CHN2: variants seen among roughly 807,000 people sequenced by gnomAD.
The protein encoded by CHN2 is beta-chimaerin.
In CHN2, 35 loss-of-function variants were observed where a neutral mutation model predicts 56.3. The observed-to-expected ratio is 0.62, with a 90% confidence interval of 0.47 to 0.82. The LOEUF (loss-of-function observed/expected upper bound fraction) is 0.82, where lower values mean the gene tolerates loss of function less well. Among genes scored for constraint, CHN2 ranks in the 40% least tolerant of loss-of-function variants. The pLI is 0.00. For synonymous variants in CHN2, 210 were observed against 212.8 expected (o/e 0.99, Z 0.12); for missense variants, 491 against 580.5 (o/e 0.85, Z 1.58).
rs1429792976 is a variant in CHN2 at position 29,480,331 on chromosome 7, A to G, written c.629A>G (p.Asn210Ser). Residue 210 changes from asparagine to serine, a missense_variant, in exon 7 of 13, where the codon AAT (asparagine) becomes AGT (serine). Physicochemically the swap from Asn to Ser is conservative, Grantham distance 46 (BLOSUM62 1). Transcript: ENST00000222792. ...CTCACACACAACGACAACCACTTCA[A>G]TTATGAGAAGACACACAACTTTAAG... ...AALTHNDNHFNYEKTHNFKVH... is the reference protein window; with the variant it reads ...AALTHNDNHFSYEKTHNFKVH... The G allele has an allele frequency of 6.2e-6, 10 of 1,614,188 alleles. No homozygotes were observed. The highest frequency in any genetic ancestry group is 6.8e-6 in the Non-Finnish European group (8 of 1,180,014).
At chr7:29,442,121 C>T (rs1783691294) in intron 6 of CHN2, among the ~76,000 whole-genome samples, 1 of 152,110 alleles carries the variant, frequency 6.6e-6, no homozygotes, top group South Asian at 2.1e-4. Context: ...AATTCCGATA[C>T]GTGCTACAAC....
At chr7:29,453,728 T>C (rs1367873814) in intron 6 of CHN2, among the ~76,000 whole-genome samples, 1 of 152,158 alleles carries the variant, frequency 6.6e-6, no homozygotes, top group Non-Finnish European at 1.5e-5. Context: ...TTGGATTTGA[T>C]AGAGAGATCA....
Position 29,305,172 on chromosome 7 carries a change from C to T in CHN2, c.50-49453C>T, listed in dbSNP as rs575651803. ...GATACGACAGGCAGGCCAGGAAATT[C>T]CCAGTGATTGTTGCCGGGGAAAGGG... On this transcript the variant is annotated intron_variant, in intron 1 of 12. Transcript: ENST00000222792. 1.1e-4 allele frequency among the ~76,000 whole-genome samples: 17 copies of T among 152,242 alleles called. No homozygotes were observed. The East Asian group carries it at 3.3e-3, about 29-fold the overall frequency.
At chr7:29,329,423 G>A (rs1796051556) in intron 1 of CHN2, among the ~76,000 whole-genome samples, 1 of 145,212 alleles carries the variant, frequency 6.9e-6, no homozygotes, top group African/African-American at 2.6e-5. Context: ...GGGACAGTGT[G>A]CCCTTCATAA....
At chr7:29,329,013 A>G (rs1175289361) in intron 1 of CHN2, among the ~76,000 whole-genome samples, 1 of 152,206 alleles carries the variant, frequency 6.6e-6, no homozygotes, top group Non-Finnish European at 1.5e-5. Flanking sequence ...CTGAAGAATC[A>G]TGCTCATACT....
At chr7:29,307,826 G>C (rs1794288490) in intron 1 of CHN2, among the ~76,000 whole-genome samples, 1 of 152,174 alleles carries the variant, frequency 6.6e-6, no homozygotes, top group Non-Finnish European at 1.5e-5. Flanking sequence ...TGTGGCCCAG[G>C]TGATGTTGCT....
intron 6 of CHN2, among the ~76,000 whole-genome samples, chr7:29,470,018 A>T (rs2128144045): frequency 6.6e-6 from 1 of 152,356 alleles, no homozygotes; most frequent in South Asian, 2.1e-4. Flanking sequence ...ATTGCATTAA[A>T]ACAGAGCATA....
intron 2 of CHN2, among the ~76,000 whole-genome samples, chr7:29,182,653 A>T (rs932724878): frequency 8.5e-5 from 13 of 152,238 alleles, no homozygotes; most frequent in African/African-American, 3.1e-4. Context: ...ATGTCTAAAA[A>T]TACAAATTGA....
At chr7:29,488,532 A>AAC (rs2128556379) in intron 7 of CHN2, among the ~76,000 whole-genome samples, 1 of 152,290 alleles carries the variant, frequency 6.6e-6, no homozygotes, top group African/African-American at 2.4e-5. Flanking sequence ...TAGCTAAACA[A>AAC]ACAAACAAAC....
chr7:29,400,398 C>G (rs560171787), intron 5 of CHN2, 145 bp from the exon 6 acceptor site: 3 of 743,520 alleles, frequency 4.0e-6, no homozygotes, highest in African/African-American at 1.8e-5. Context: ...TCTCTGTGAG[C>G]GTTAGGGGAA....
chr7:29,213,519 A>G (rs1233223084), intron 1 of CHN2, among the ~76,000 whole-genome samples: 1 of 152,220 alleles, frequency 6.6e-6, no homozygotes, highest in African/African-American at 2.4e-5. Flanking sequence ...TAGTTTGAAT[A>G]TCTTCAGGGT....
At position 29,512,549 on chromosome 7, in the gene CHN2, A is replaced by ATGTT. The variant is rs1791612794; in HGVS notation, c.1236-9_1236-6dup. 6.2e-7 allele frequency: 1 copy of ATGTT among 1,606,398 alleles called. No homozygotes were observed. The highest frequency in any genetic ancestry group is 1.1e-5 in the South Asian group (1 of 90,014). On this transcript the variant is annotated splice_polypyrimidine_tract_variant and intron_variant, in intron 12 of 12. Transcript: ENST00000222792. Reference sequence around the variant, plus strand: ...AGTCTCCATAATGTCTCTGTTCTATATGTTTGTTTTGCAGGGTTACTATGA... The same window carrying ATGTT: ...AGTCTCCATAATGTCTCTGTTCTATATGTTTGTTTGTTTTGCAGGGTTACTATGA...
intron 1 of CHN2, among the ~76,000 whole-genome samples, chr7:29,342,423 C>T (rs1415036547): frequency 2.0e-5 from 3 of 152,106 alleles, no homozygotes; most frequent in Non-Finnish European, 4.4e-5. Context: ...TATACTATGG[C>T]CAAAAAAATA....
intron 6 of CHN2, chr7:29,480,007 C>A: frequency 6.7e-7 from 1 of 1,500,172 alleles, no homozygotes; most frequent in Non-Finnish European, 8.9e-7. Flanking sequence ...GACCCAGCTG[C>A]CTCAAATCTG....
At position 29,496,940 on chromosome 7, in the gene CHN2, A is replaced by T. The variant is rs181347833; in HGVS notation, c.739+904A>T. Reference sequence around the variant, plus strand: ...TCTTCCTTGCTAGGATATGATTTTTAAAAATCTCAGGAGCATTTAGAATAC... The same window carrying T: ...TCTTCCTTGCTAGGATATGATTTTTTAAAATCTCAGGAGCATTTAGAATAC... On this transcript the variant is annotated intron_variant, in intron 8 of 12. Coordinates refer to ENST00000222792, the MANE Select transcript of CHN2 (RefSeq NM_004067.4). Among the ~76,000 whole-genome samples, 278 of 152,296 alleles carry T rather than the reference A, an allele frequency of 1.8e-3. 2 individuals are homozygous for T. Among genetic ancestry groups the T allele is most frequent in the African/African-American group, 6.2e-3 (257 of 41,564 alleles).
intron 1 of CHN2, among the ~76,000 whole-genome samples, chr7:29,232,993 T>C (rs978241672): frequency 2.0e-5 from 3 of 152,220 alleles, no homozygotes; most frequent in Non-Finnish European, 2.9e-5. Flanking sequence ...AAAATTTACA[T>C]TATTTCAACG....
At chr7:29,424,821 G>A (rs1437738943) in intron 6 of CHN2, among the ~76,000 whole-genome samples, 1 of 152,182 alleles carries the variant, frequency 6.6e-6, no homozygotes, top group Non-Finnish European at 1.5e-5. Context: ...GTTCAGCACA[G>A]TCTGGTCAGA....
At chr7:29,316,131 G>C (rs1794939259) in intron 1 of CHN2, among the ~76,000 whole-genome samples, 1 of 152,128 alleles carries the variant, frequency 6.6e-6, no homozygotes, top group South Asian at 2.1e-4. Flanking sequence ...ACCTCTTACA[G>C]CTCTAAAGTT....
chr7:29,156,624 T>TC (rs1584463650), intron 2 of CHN2, among the ~76,000 whole-genome samples: 2 of 152,360 alleles, frequency 1.3e-5, no homozygotes, highest in East Asian at 3.9e-4. Context: ...GGGTTTTTTT[T>TC]CCTCTTTAGA....
Sources: allele counts gnomAD v4.1 joint callset (sites outside exome capture counted in the v4.1 genomes callset), GRCh38; gene constraint gnomAD v4.1.1; transcripts MANE v1.5; gene names NCBI Gene and HGNC (gene_info 2026-07-23, HGNC 2026-07-21).